Variants in DCC observed in about 807,000 individuals in gnomAD.
DCC encodes the protein DCC netrin 1 receptor.
Under a neutral mutation model 172.5 loss-of-function variants are expected in DCC, and 58 were observed. The observed-to-expected ratio is 0.34, with a 90% CI of 0.27 to 0.42. DCC has a LOEUF of 0.42. Among genes scored for constraint, DCC ranks in the 10% least tolerant of loss-of-function variants. The probability of loss-of-function intolerance (pLI) is 1.00; values close to 1 mark genes in which losing one functional copy is unlikely to be tolerated. For synonymous variants in DCC, 709 were observed against 644.5 expected, an observed-to-expected ratio of 1.10 and a Z score of -1.52; for missense variants, 1,740 against 1,791.0, an observed-to-expected ratio of 0.97 and a Z score of 0.51.
At chr18:52,824,435 C>T (rs1183380883) in intron 2 of DCC, among the ~76,000 whole-genome samples, 1 of 149,542 alleles carries the variant, frequency 6.7e-6, no homozygotes, top group Non-Finnish European at 1.5e-5. Context: ...TGGATGCTGG[C>T]AGGATTTATT....
intron 2 of DCC, chr18:52,816,868 A>T (rs1210280611): frequency 1.3e-5 from 2 of 152,202 alleles, no homozygotes; most frequent in African/African-American, 4.8e-5. Context: ...ATTTAATTAA[A>T]AAATCTATTT....
At chr18:52,519,456 A>G (rs1017644172) in intron 1 of DCC, among the ~76,000 whole-genome samples, 12 of 152,168 alleles carry the variant, frequency 7.9e-5, no homozygotes, top group African/African-American at 2.9e-4. Flanking sequence ...AGAAGAAAAG[A>G]TAACTGTGTT....
At chr18:52,500,014 A>G (rs1242343163) in intron 1 of DCC, among the ~76,000 whole-genome samples, 1 of 152,066 alleles carries the variant, frequency 6.6e-6, no homozygotes, top group Non-Finnish European at 1.5e-5. Flanking sequence ...CCCAGCCTCC[A>G]TTCTTCTATA....
chr18:53,135,750 T>C (rs905737355), intron 7 of DCC, among the ~76,000 whole-genome samples: 1 of 152,164 alleles, frequency 6.6e-6, no homozygotes, highest in East Asian at 1.9e-4. Flanking sequence ...CTGAATGGAA[T>C]AACAGAATTT....
At chr18:52,749,814 A>G (rs2036967251) in intron 1 of DCC, among the ~76,000 whole-genome samples, 1 of 152,246 alleles carries the variant, frequency 6.6e-6, no homozygotes, top group Non-Finnish European at 1.5e-5. Flanking sequence ...TGTTTAAAAT[A>G]TAGGCCCCAG....
At chr18:53,190,455 ACT>A (rs1415657597) in intron 9 of DCC, among the ~76,000 whole-genome samples, 2 of 103,628 alleles carry the variant, frequency 1.9e-5, no homozygotes, top group African/African-American at 3.7e-5. Context: ...TACACTGCTA[ACT>A]CTGTGTGTGT....
chr18:52,645,441 T>C (rs1194371769), intron 1 of DCC, among the ~76,000 whole-genome samples: 2 of 152,208 alleles, frequency 1.3e-5, no homozygotes, highest in Non-Finnish European at 2.9e-5. Context: ...TGTAAAATCT[T>C]TTAGTTATCT....
chr18:53,384,005 T>C (rs1351272401), intron 15 of DCC, among the ~76,000 whole-genome samples: 1 of 152,186 alleles, frequency 6.6e-6, no homozygotes, highest in African/African-American at 2.4e-5. Context: ...ACCATATCTA[T>C]AATATCAAAA....
rs111941549 is a variant in DCC, at chr18:53,108,182, A to AC, written c.1261+42016_1261+42017insC. ...ATGCACGTAAAGACATACACAGAAA[A>AC]ACACACACACACAATGGAGGCAGCT... is the stretch of plus-strand genomic sequence containing the variant. On this transcript the variant is annotated intron_variant, in intron 7 of 28. Coordinates refer to ENST00000442544, the MANE Select transcript of DCC (RefSeq NM_005215.4). Among the ~76,000 whole-genome samples, 1,055 of 151,140 alleles carry AC rather than the reference A, an allele frequency of 7.0e-3. 11 individuals carry two copies. Among genetic ancestry groups the AC allele is most frequent in the African/African-American group, 0.024 (1,007 of 41,352 alleles).
intron 2 of DCC, among the ~76,000 whole-genome samples, chr18:52,838,355 A>G (rs2038749152): frequency 6.6e-6 from 1 of 152,168 alleles, no homozygotes; most frequent in Non-Finnish European, 1.5e-5. Flanking sequence ...TATACTGAAC[A>G]TATTTGAATC....
chr18:52,506,383 C>T (rs1350652066), intron 1 of DCC, among the ~76,000 whole-genome samples: 1 of 151,938 alleles, frequency 6.6e-6, no homozygotes, highest in East Asian at 1.9e-4. Flanking sequence ...CCCATATAAA[C>T]ACAATTTATG....
chr18:52,859,146 AAAAT>A (rs2039096651), intron 2 of DCC, among the ~76,000 whole-genome samples: 1 of 151,866 alleles, frequency 6.6e-6, no homozygotes, highest in Non-Finnish European at 1.5e-5. Context: ...AAAAAAAATT[AAAAT>A]TATAATTTAA....
At chr18:52,633,904 A>T (rs1003819796) in intron 1 of DCC, among the ~76,000 whole-genome samples, 1 of 152,260 alleles carries the variant, frequency 6.6e-6, no homozygotes, top group Non-Finnish European at 1.5e-5. Flanking sequence ...ACGCTAGCAC[A>T]GCCCCTGATT....
chr18:53,444,387 C>T (rs145834094), intron 22 of DCC, among the ~76,000 whole-genome samples: 109 of 151,986 alleles, frequency 7.2e-4, no homozygotes, highest in African/African-American at 1.8e-3. Context: ...ACTGAAAATA[C>T]GAAAAGGAAC....
intron 10 of DCC, among the ~76,000 whole-genome samples, chr18:53,207,299 A>G (rs1326398232): frequency 6.6e-6 from 1 of 152,198 alleles, no homozygotes; most frequent in Non-Finnish European, 1.5e-5. Context: ...GAGAAGCACA[A>G]AATCTATTAT....
intron 20 of DCC, among the ~76,000 whole-genome samples, chr18:53,411,362 T>G (rs1166083810): frequency 6.6e-6 from 1 of 152,178 alleles, no homozygotes; most frequent in Admixed American, 6.6e-5. Context: ...AACAATTGAA[T>G]AATTTGTAAT....
At chr18:52,727,302 T>C (rs2036565803) in intron 1 of DCC, among the ~76,000 whole-genome samples, 1 of 152,224 alleles carries the variant, frequency 6.6e-6, no homozygotes, top group Non-Finnish European at 1.5e-5. Context: ...TTTTTTGTAA[T>C]ATGTTCAATG....
intron 1 of DCC, among the ~76,000 whole-genome samples, chr18:52,588,075 G>T (rs2033718554): frequency 6.6e-6 from 1 of 152,204 alleles, no homozygotes; most frequent in Non-Finnish European, 1.5e-5. Context: ...GTTGCATGGT[G>T]ACTTGGTGAC....
chr18:52,969,582 CCACT>C (rs1199680721), intron 5 of DCC, among the ~76,000 whole-genome samples: 10 of 80,056 alleles, frequency 1.2e-4, no homozygotes, highest in African/African-American at 2.7e-4. Context: ...GCCCCGCCCC[CCACT>C]CTCTCTCTCT....
Sources: allele counts gnomAD v4.1 joint callset (sites outside exome capture counted in the v4.1 genomes callset), GRCh38; gene constraint gnomAD v4.1.1; transcripts MANE v1.5; gene names NCBI Gene and HGNC (gene_info 2026-07-23, HGNC 2026-07-21).